The following CRYBG1 variants were observed in gnomAD, a reference collection of about 807,000 sequenced individuals.
CRYBG1 encodes the protein beta/gamma crystallin domain-containing protein 1.
CRYBG1 carries 139 observed loss-of-function variants against 189.2 expected under a neutral mutation model. That is an observed-to-expected ratio of 0.73 (90% confidence interval 0.64 to 0.85). The LOEUF (loss-of-function observed/expected upper bound fraction) is 0.85. CRYBG1 is among the 40% of genes least tolerant of loss of function. CRYBG1 has a pLI of 0.00. For synonymous variants in CRYBG1, 1,023 were observed against 1,017.1 expected, an observed-to-expected ratio of 1.01 and a Z score of -0.11; for missense variants, 2,611 against 2,675.8, an observed-to-expected ratio of 0.98 and a Z score of 0.53.
chr6:106,529,060 C>T (rs1399644186), intron 7 of CRYBG1, among the ~76,000 whole-genome samples: 1 of 152,084 alleles, frequency 6.6e-6, no homozygotes, highest in Non-Finnish European at 1.5e-5. Flanking sequence ...ATCCTCCTGC[C>T]TCAGCCTCCA....
At chr6:106,425,007 C>T (rs1242287122) in intron 1 of CRYBG1, among the ~76,000 whole-genome samples, 1 of 152,196 alleles carries the variant, frequency 6.6e-6, no homozygotes, top group Non-Finnish European at 1.5e-5. Flanking sequence ...ACCTGTACCT[C>T]CCCTGAGGAT....
Position 106,512,386 on chromosome 6 carries a change from G to A in CRYBG1, c.1269G>A (p.Gly423=), listed in dbSNP as rs767122979. ...GCCGTAGGTCGGGGAGGCGGAGGGG[G>A]TCGCAGAAATCCACCGACTCCCCCG... ...SSGRRSGRRR[G]SQKSTDSPGA... Residue 423 remains glycine, a synonymous_variant, in exon 3 of 22, where the codon GGG becomes GGA. Transcript: ENST00000633556. 18 of 1,610,676 alleles carry A rather than the reference G, an allele frequency of 1.1e-5. No homozygotes were observed. In the South Asian group the frequency reaches 1.9e-4, roughly 17 times the overall value.
chr6:106,487,271 T>C (rs1359161834), intron 2 of CRYBG1, among the ~76,000 whole-genome samples: 1 of 152,216 alleles, frequency 6.6e-6, no homozygotes, highest in African/African-American at 2.4e-5. Context: ...ACTTAACTAT[T>C]GATGTTTTTT....
rs201789082 is a variant in CRYBG1 at position 106,512,507 on chromosome 6, G to C, written c.1390G>C (p.Glu464Gln). 2.9e-4 allele frequency: 467 copies of C among 1,611,046 alleles called. 2 individuals are homozygous for C. The East Asian group carries it at 5.6e-3, about 19-fold the overall frequency. The change falls in exon 3 of 22, where the codon GAA (glutamate) becomes CAA (glutamine). Residue 464 changes from glutamate (E) to glutamine (Q), a missense_variant. By Grantham distance (29) the Glu-to-Gln change is conservative (BLOSUM62 2). Around this residue, in one of 3 missense-constraint regions of CRYBG1, gnomAD observed 985 missense variants for 924.4 expected, o/e 1.07. Transcript: ENST00000633556. ...PNAASDNASA[E>Q]KKVKSPRAAL... ...CGCGGCCAGCGATAACGCCTCGGCG[G>C]AAAAGAAAGTGAAATCTCCGCGGGC...
chr6:106,520,303 C>T lies in CRYBG1; in HGVS notation c.3095C>T (p.Pro1032Leu). 6.2e-7 allele frequency: 1 copy of T among 1,614,152 alleles called. No individual in the cohort carries two copies. Among genetic ancestry groups the T allele is most frequent in the Non-Finnish European group, 8.5e-7 (1 of 1,180,042 alleles). ...AAATCTGGCCCACAAGTCATACCGCCAGCATCAGAGAAAACTCTGCCTATT... is the reference window on the plus strand; with the variant it reads ...AAATCTGGCCCACAAGTCATACCGCTAGCATCAGAGAAAACTCTGCCTATT... ...AAKSGPQVIP[P>L]ASEKTLPIQA... Residue 1032 changes from proline (P) to leucine (L), a missense_variant, in exon 4 of 22, where the codon CCA becomes CTA. Physicochemically the swap from Pro to Leu is moderately conservative, Grantham distance 98. This residue lies in a region of CRYBG1 where 1,622 missense variants were observed against 1,735.0 expected (regional missense o/e 0.93). Transcript: ENST00000633556.
intron 6 of CRYBG1, among the ~76,000 whole-genome samples, chr6:106,525,619 A>G (rs1489034895): frequency 6.6e-6 from 1 of 152,208 alleles, no homozygotes; most frequent in African/African-American, 2.4e-5. Context: ...ATACAGTAGA[A>G]CAAGCTTCTT....
At chr6:106,379,124 G>A (rs950677386) in intron 1 of CRYBG1, among the ~76,000 whole-genome samples, 4 of 152,130 alleles carry the variant, frequency 2.6e-5, no homozygotes, top group Admixed American at 1.3e-4. Flanking sequence ...ATTTCAGCCT[G>A]GGCGATAGAG....
At chr6:106,525,055 A>G in intron 4 of CRYBG1, 78 bp from the exon 5 acceptor site, 1 of 1,448,552 alleles carries the variant, frequency 6.9e-7, no homozygotes, top group Non-Finnish European at 9.7e-7. Context: ...TGATCTACCT[A>G]CAGGATCGTG....
chr6:106,514,497 A>G lies in CRYBG1; in HGVS notation c.1922+1458A>G, dbSNP rs1773374406. 2.6e-5 allele frequency among the ~76,000 whole-genome samples: 4 copies of G among 152,136 alleles called. No homozygotes were observed. The South Asian group carries it at 8.3e-4, about 32-fold the overall frequency. ...TACCTCACCAACTGCCAACCTGGAG[A>G]CCTTTGATATAGTCAGTGATTTATT... On this transcript the variant is annotated intron_variant, in intron 3 of 21. Coordinates refer to ENST00000633556, the MANE Select transcript of CRYBG1 (RefSeq NM_001371242.2).
At chr6:106,543,832 A>T (rs1562112646) in intron 11 of CRYBG1, among the ~76,000 whole-genome samples, 1 of 152,176 alleles carries the variant, frequency 6.6e-6, no homozygotes, top group Non-Finnish European at 1.5e-5. Flanking sequence ...CGGGCGGATC[A>T]CCTGAGGTCA....
At chr6:106,538,345 T>C (rs2114565770) in intron 8 of CRYBG1, among the ~76,000 whole-genome samples, 1 of 152,302 alleles carries the variant, frequency 6.6e-6, no homozygotes, top group South Asian at 2.1e-4. Context: ...AGGGTGGGGC[T>C]GCTGGTTCCC....
chr6:106,414,772 G>T (rs1770991360), intron 1 of CRYBG1, among the ~76,000 whole-genome samples: 1 of 152,128 alleles, frequency 6.6e-6, no homozygotes, highest in Non-Finnish European at 1.5e-5. Context: ...TGTTGAGGCA[G>T]GCTTTTTATC....
Position 106,519,695 on chromosome 6 carries a change from A to G in CRYBG1, c.2487A>G (p.Glu829=), listed in dbSNP as rs1361432368. Residue 829 remains glutamate, a synonymous_variant, in exon 4 of 22, where the codon GAA becomes GAG. Coordinates refer to ENST00000633556, the MANE Select transcript of CRYBG1 (RefSeq NM_001371242.2). Reference sequence around the variant, plus strand: ...CAGACAGCAAAAGCCTTGTACTTGAAAATGTAACCGATACAGCACAAGACA... The same window carrying G: ...CAGACAGCAAAAGCCTTGTACTTGAGAATGTAACCGATACAGCACAAGACA... ...EAADSKSLVL[E]NVTDTAQDIP... is the part of the protein sequence containing the mutation. The G allele has an allele frequency of 6.2e-7, 1 of 1,614,070 alleles. No homozygotes were observed. The highest frequency in any genetic ancestry group is 1.7e-5 in the Admixed American group (1 of 59,996).
chr6:106,554,697 T>C lies in CRYBG1; in HGVS notation c.5586-1071T>C, dbSNP rs150399001. 9.1e-4 allele frequency among the ~76,000 whole-genome samples: 139 copies of C among 152,352 alleles called. 2 individuals are homozygous for C. The highest frequency in any genetic ancestry group is 3.2e-3 in the African/African-American group (135 of 41,572). ...ACTGCTACCACATCCCCACTCCTCG[T>C]TATCCCCTGCCTGCTTCATTTATTA... is the stretch of plus-strand genomic sequence containing the variant. On this transcript the variant is annotated intron_variant, in intron 16 of 21. Coordinates refer to ENST00000633556, the MANE Select transcript of CRYBG1 (RefSeq NM_001371242.2).
intron 2 of CRYBG1, among the ~76,000 whole-genome samples, chr6:106,474,382 T>G (rs539785206): frequency 6.6e-6 from 1 of 152,358 alleles, no homozygotes; most frequent in Non-Finnish European, 1.5e-5. Context: ...TGTTGGGAAT[T>G]GTTATAGTGT....
chr6:106,473,614 T>C (rs917881078), intron 2 of CRYBG1, among the ~76,000 whole-genome samples: 1 of 152,158 alleles, frequency 6.6e-6, no homozygotes, highest in Non-Finnish European at 1.5e-5. Flanking sequence ...ATAGAGAGAA[T>C]GCCACTAACA....
intron 1 of CRYBG1, among the ~76,000 whole-genome samples, chr6:106,438,132 T>C (rs1174825564): frequency 6.6e-6 from 1 of 152,240 alleles, no homozygotes; most frequent in East Asian, 1.9e-4. Flanking sequence ...CAGCCCATTC[T>C]ACACCTCCCT....
intron 1 of CRYBG1, among the ~76,000 whole-genome samples, chr6:106,364,258 T>C (rs540214026): frequency 5.3e-4 from 80 of 151,830 alleles, no homozygotes; most frequent in Non-Finnish European, 6.8e-4. Context: ...ACCCAGGAGA[T>C]GAAGGTTGTG....
chr6:106,477,982 T>C (rs928114078), intron 2 of CRYBG1, among the ~76,000 whole-genome samples: 3 of 152,238 alleles, frequency 2.0e-5, no homozygotes, highest in African/African-American at 7.2e-5. Context: ...TTCCTGTCCC[T>C]GTACAAAGGA....
Sources: allele counts gnomAD v4.1 joint callset (sites outside exome capture counted in the v4.1 genomes callset), GRCh38; gene constraint gnomAD v4.1.1; regional missense constraint gnomAD v4.1.1; transcripts MANE v1.5; gene names NCBI Gene and HGNC (gene_info 2026-07-23, HGNC 2026-07-21).